Variants in TRPM6 observed in about 807,000 individuals in gnomAD.
TRPM6 encodes channel kinase 2.
A neutral mutation model predicts 247.6 loss-of-function variants in TRPM6; 111 were observed. The ratio of observed to expected loss-of-function variants is 0.45; its 90% CI spans 0.38 to 0.52. The LOEUF (loss-of-function observed/expected upper bound fraction) is 0.52, where lower values mean the gene tolerates loss of function less well. Among genes scored for constraint, TRPM6 ranks in the 20% least tolerant of loss-of-function variants. TRPM6 has a pLI of 0.00. For missense variants in TRPM6, 2,126 were observed against 2,421.5 expected (o/e 0.88, Z 2.56); for synonymous variants, 892 against 853.8 (o/e 1.04, Z -0.78).
intron 25 of TRPM6, among the ~76,000 whole-genome samples, chr9:74,770,665 G>A (rs571390756): frequency 2.6e-5 from 4 of 152,080 alleles, no homozygotes; most frequent in African/African-American, 9.6e-5. Context: ...CTGCCTTCCC[G>A]TCTACTCTGG....
chr9:74,883,773 G>A (rs1046544719), intron 1 of TRPM6, among the ~76,000 whole-genome samples: 3 of 152,194 alleles, frequency 2.0e-5, no homozygotes, highest in Non-Finnish European at 4.4e-5. Flanking sequence ...GAGAGGTTGA[G>A]GTAAGAGGAT....
chr9:74,788,862 C>T, intron 19 of TRPM6, 120 bp from the exon 20 acceptor site: 3 of 1,176,980 alleles, frequency 2.5e-6, no homozygotes, highest in Non-Finnish European at 3.7e-6. Flanking sequence ...GAACACAGAA[C>T]TAGGACCACC....
chr9:74,785,743 T>C, intron 21 of TRPM6, 131 bp downstream of exon 21: 1 of 998,528 alleles, frequency 1.0e-6, no homozygotes, highest in South Asian at 1.3e-5. Flanking sequence ...CAGGATGTTC[T>C]TGATCTCCTG....
At chr9:74,817,978 T>C (rs1267680250) in intron 9 of TRPM6, among the ~76,000 whole-genome samples, 2 of 152,146 alleles carry the variant, frequency 1.3e-5, no homozygotes, top group African/African-American at 4.8e-5. Flanking sequence ...ATCATAAAGA[T>C]AAAAAACTAT....
intron 13 of TRPM6, 71 bp downstream of exon 13, chr9:74,810,744 T>C (rs1427487634): frequency 2.1e-6 from 3 of 1,410,616 alleles, no homozygotes; most frequent in Non-Finnish European, 3.0e-6. Context: ...CAAAGCAAAA[T>C]TCAGTGACTC....
At chr9:74,761,967 T>A in intron 26 of TRPM6, 32 bp downstream of exon 26, 1 of 1,604,962 alleles carries the variant, frequency 6.2e-7, no homozygotes, top group Non-Finnish European at 8.5e-7. Flanking sequence ...GCAAAGGACT[T>A]AATGCTGATA....
At chr9:74,814,557 C>T (rs1228883475) in intron 11 of TRPM6, among the ~76,000 whole-genome samples, 1 of 151,694 alleles carries the variant, frequency 6.6e-6, no homozygotes, top group Non-Finnish European at 1.5e-5. Context: ...TCCCAGACAC[C>T]CCATAAATAT....
chr9:74,865,014 A>G (rs529851426), intron 1 of TRPM6, among the ~76,000 whole-genome samples: 2 of 151,730 alleles, frequency 1.3e-5, no homozygotes, highest in East Asian at 3.9e-4. Flanking sequence ...TGGAAGTTGC[A>G]GTGGGCTGAG....
chr9:74,779,653 C>A (rs1393804399), intron 23 of TRPM6, among the ~76,000 whole-genome samples: 1 of 151,898 alleles, frequency 6.6e-6, no homozygotes, highest in African/African-American at 2.4e-5. Context: ...TTTCTTTTGT[C>A]TAGGAAACAA....
At chr9:74,729,010 T>C (rs1343104228) in intron 37 of TRPM6, among the ~76,000 whole-genome samples, 1 of 152,194 alleles carries the variant, frequency 6.6e-6, no homozygotes, top group East Asian at 1.9e-4. Flanking sequence ...ATAAGGCACC[T>C]TTTGAATACT....
At chr9:74,782,291 C>T in intron 23 of TRPM6, 71 bp downstream of exon 23, 4 of 1,128,578 alleles carry the variant, frequency 3.5e-6, no homozygotes, top group Admixed American at 1.8e-5. Context: ...ACTCAAAGTA[C>T]ATGTGAATCT....
In TRPM6 at chr9:74,762,856, T is replaced by G. The variant is rs143650623; in HGVS notation, c.3815A>C (p.Lys1272Thr). The change falls in exon 26 of 39, where the codon AAA becomes ACA. Residue 1272 changes from lysine to threonine, a missense_variant. Transcript: ENST00000360774. Reference sequence around the variant, plus strand: ...AGAGGGCATGCTATAATACTGGTATTTCTTCTCTCCAGCGATCTCCATGCT... The same window carrying G: ...AGAGGGCATGCTATAATACTGGTATGTCTTCTCTCCAGCGATCTCCATGCT... ...LGSMEIAGEK[K>T]YQYYSMPSSL... The G allele has an allele frequency of 1.1e-5, 18 of 1,614,030 alleles. No individual in the cohort carries two copies. The African/African-American group carries it at 1.7e-4, about 16-fold the overall frequency.
chr9:74,859,323 T>C (rs749046002), intron 1 of TRPM6, among the ~76,000 whole-genome samples: 4 of 152,180 alleles, frequency 2.6e-5, no homozygotes, highest in Non-Finnish European at 4.4e-5. Flanking sequence ...TTCCTCCTAA[T>C]AAACTCTCTC....
At chr9:74,767,746 G>C (rs943990932) in intron 25 of TRPM6, among the ~76,000 whole-genome samples, 2 of 152,074 alleles carry the variant, frequency 1.3e-5, no homozygotes, top group Non-Finnish European at 2.9e-5. Context: ...AGGCAGAAGG[G>C]GTGCTTGAGG....
intron 3 of TRPM6, among the ~76,000 whole-genome samples, chr9:74,852,545 C>T (rs1830366582): frequency 6.6e-6 from 1 of 152,136 alleles, no homozygotes; most frequent in African/African-American, 2.4e-5. Flanking sequence ...GATGCCTAGC[C>T]AAGGCGGACT....
chr9:74,755,311 C>T lies in TRPM6; in HGVS notation c.4906+42G>A, dbSNP rs1489616691. The T allele has an allele frequency of 1.9e-6, 3 of 1,612,024 alleles. No individual in the cohort carries two copies. The South Asian group carries it at 3.3e-5, about 18-fold the overall frequency. ...CTAAAGACCGTACCCTGAGAAAACC[C>T]CACCAGGGTTTTTGGGATCCAAAAT... is the stretch of plus-strand genomic sequence containing the variant. On this transcript the variant is annotated intron_variant, in intron 28 of 38. Transcript: ENST00000360774.
chr9:74,787,085 G>A (rs186477110), intron 20 of TRPM6, among the ~76,000 whole-genome samples: 3,025 of 145,826 alleles, frequency 0.021, 98 homozygotes, highest in African/African-American at 0.072. Flanking sequence ...CTGTAATCCC[G>A]ACACTTTGGG....
At chr9:74,821,450 C>G (rs1021962468) in intron 8 of TRPM6, among the ~76,000 whole-genome samples, 1 of 152,150 alleles carries the variant, frequency 6.6e-6, no homozygotes, top group African/African-American at 2.4e-5. Context: ...CTCAAGCTTC[C>G]CTTTAAAGGC....
rs1827777863 is a variant in TRPM6, at chr9:74,788,595, G to A, written c.2667+19C>T. 6.2e-7 allele frequency: 1 copy of A among 1,613,660 alleles called. No individual in the cohort carries two copies. The highest frequency in any genetic ancestry group is 1.1e-5 in the South Asian group (1 of 91,012). On this transcript the variant is annotated intron_variant, in intron 20 of 38. Coordinates refer to ENST00000360774, the MANE Select transcript of TRPM6 (RefSeq NM_017662.5). ...GCTGAGGACATATGCAGAAGATAAAGGTAGATGGCATAACTCACCTCCCTG... is the reference window on the plus strand; with the variant it reads ...GCTGAGGACATATGCAGAAGATAAAAGTAGATGGCATAACTCACCTCCCTG...
Sources: gnomAD v4.1 joint callset for allele counts (sites outside exome capture counted in the v4.1 genomes callset) on GRCh38, gnomAD v4.1.1 for gene constraint, MANE v1.5 for transcripts, NCBI Gene and HGNC (gene_info 2026-07-23, HGNC 2026-07-21) for gene names.